The following CACNG3 variants were observed in gnomAD, a reference collection of about 807,000 sequenced individuals.
CACNG3 encodes the protein calcium voltage-gated channel auxiliary subunit gamma 3.
In CACNG3, 3 loss-of-function variants were observed where a neutral mutation model predicts 28.5. That is an observed-to-expected ratio of 0.11 (90% confidence interval 0.05 to 0.27). CACNG3 has a LOEUF of 0.27. Among genes scored for constraint, CACNG3 ranks in the 10% least tolerant of loss-of-function variants. CACNG3 has a pLI of 1.00. For synonymous variants in CACNG3, 174 were observed against 162.2 expected, an observed-to-expected ratio of 1.07 and a Z score of -0.55; for missense variants, 236 against 414.4, an observed-to-expected ratio of 0.57 and a Z score of 3.74.
chr16:24,282,434 A>G (rs1276870403), intron 1 of CACNG3, among the ~76,000 whole-genome samples: 1 of 148,542 alleles, frequency 6.7e-6, no homozygotes, highest in South Asian at 2.1e-4. Flanking sequence ...GGAATCTTAC[A>G]CTCGGATAAT....
intron 2 of CACNG3, 140 bp from the exon 3 acceptor site, chr16:24,354,693 G>T (rs538669997): frequency 3.1e-5 from 24 of 773,624 alleles, no homozygotes; most frequent in Middle Eastern, 3.9e-4. Context: ...GGCCCTGAGC[G>T]CCTGGTCTCA....
At chr16:24,257,015 C>A in intron 1 of CACNG3, 50 bp downstream of exon 1, 1 of 1,163,310 alleles carries the variant, frequency 8.6e-7, no homozygotes, top group Non-Finnish European at 1.3e-6. Flanking sequence ...TTCTGATATT[C>A]TGGTGGGTGT....
chr16:24,291,760 G>A (rs913975544), intron 1 of CACNG3, among the ~76,000 whole-genome samples: 1 of 152,166 alleles, frequency 6.6e-6, no homozygotes. Flanking sequence ...AGAAAGGAGA[G>A]AGAGAAAATA....
intron 1 of CACNG3, among the ~76,000 whole-genome samples, chr16:24,297,799 G>C (rs1268594974): frequency 6.6e-6 from 1 of 152,100 alleles, no homozygotes; most frequent in Non-Finnish European, 1.5e-5. Context: ...TGAGCCCTTT[G>C]TTCTGTTTCC....
At chr16:24,288,405 C>T (rs1201880495) in intron 1 of CACNG3, among the ~76,000 whole-genome samples, 1 of 152,142 alleles carries the variant, frequency 6.6e-6, no homozygotes, top group Non-Finnish European at 1.5e-5. Context: ...AAGTATTGGA[C>T]CTGGGAATTG....
Position 24,299,288 on chromosome 16 carries a change from A to G in CACNG3, c.211+42323A>G, listed in dbSNP as rs140892168. Among the ~76,000 whole-genome samples the G allele has an allele frequency of 2.0e-5, 3 of 152,086 alleles. No homozygotes were observed. In the East Asian group the frequency reaches 5.8e-4, roughly 29 times the overall value. ...ACTTTGGGTTATAATCTAATACTGC[A>G]TTGTTTATTTTATTGCTCAAATTGT... On this transcript the variant is annotated intron_variant, in intron 1 of 3. Transcript: ENST00000005284.
chr16:24,313,351 C>T (rs1899301288), intron 1 of CACNG3, among the ~76,000 whole-genome samples: 1 of 152,220 alleles, frequency 6.6e-6, no homozygotes, highest in African/African-American at 2.4e-5. Context: ...CCAGGTCACA[C>T]AGCTTGAAGT....
At chr16:24,329,238 C>T (rs1038915846) in intron 1 of CACNG3, among the ~76,000 whole-genome samples, 7 of 152,236 alleles carry the variant, frequency 4.6e-5, no homozygotes, top group African/African-American at 1.4e-4. Flanking sequence ...TAATGGTTGC[C>T]GTGGCAACCA....
intron 1 of CACNG3, among the ~76,000 whole-genome samples, chr16:24,296,053 G>A (rs2088084334): frequency 6.6e-6 from 1 of 152,164 alleles, no homozygotes; most frequent in Non-Finnish European, 1.5e-5. Flanking sequence ...TTTGCACAAG[G>A]TGCATCACAC....
chr16:24,304,840 G>C (rs1432822271), intron 1 of CACNG3, among the ~76,000 whole-genome samples: 1 of 152,148 alleles, frequency 6.6e-6, no homozygotes, highest in African/African-American at 2.4e-5. Context: ...GGGATTACAG[G>C]CATGAGCCAC....
chr16:24,326,034 T>C (rs1215324647), intron 1 of CACNG3, among the ~76,000 whole-genome samples: 2 of 152,238 alleles, frequency 1.3e-5, no homozygotes, highest in African/African-American at 4.8e-5. Context: ...AGCTCTATTC[T>C]GAAATCTCTG....
chr16:24,290,792 C>A (rs750648582), intron 1 of CACNG3, among the ~76,000 whole-genome samples: 2 of 152,046 alleles, frequency 1.3e-5, no homozygotes, highest in Non-Finnish European at 2.9e-5. Context: ...GTGTTTATCA[C>A]GGCCTACGTA....
chr16:24,290,054 AG>A (rs1419626308), intron 1 of CACNG3, among the ~76,000 whole-genome samples: 1 of 152,284 alleles, frequency 6.6e-6, no homozygotes, highest in Non-Finnish European at 1.5e-5. Context: ...AGACCATCAT[AG>A]ACAGAGAAGA....
At chr16:24,287,778 G>A (rs1898914446) in intron 1 of CACNG3, among the ~76,000 whole-genome samples, 2 of 152,068 alleles carry the variant, frequency 1.3e-5, no homozygotes, top group Non-Finnish European at 2.9e-5. Flanking sequence ...ACTAAGCAAA[G>A]GTTGATTCTC....
chr16:24,300,832 T>G (rs1045742496), intron 1 of CACNG3, among the ~76,000 whole-genome samples: 1 of 151,966 alleles, frequency 6.6e-6, no homozygotes, highest in Non-Finnish European at 1.5e-5. Context: ...GGGGGGCAGA[T>G]CACAAGGTCA....
intron 1 of CACNG3, among the ~76,000 whole-genome samples, chr16:24,340,414 A>G (rs944687083): frequency 6.6e-6 from 1 of 152,170 alleles, no homozygotes; most frequent in African/African-American, 2.4e-5. Context: ...AATAAATAAA[A>G]TAATTTAGTG....
chr16:24,279,574 G>A (rs1164323846), intron 1 of CACNG3, among the ~76,000 whole-genome samples: 2 of 152,158 alleles, frequency 1.3e-5, no homozygotes, highest in Admixed American at 6.5e-5. Context: ...CAGAGTGCTG[G>A]AACTACAAGG....
At chr16:24,287,764 T>C (rs1165241426) in intron 1 of CACNG3, among the ~76,000 whole-genome samples, 1 of 152,140 alleles carries the variant, frequency 6.6e-6, no homozygotes, top group Non-Finnish European at 1.5e-5. Context: ...GGAACCTCTA[T>C]AACACTAAGC....
chr16:24,264,009 A>G (rs868052373), intron 1 of CACNG3, among the ~76,000 whole-genome samples: 1 of 152,214 alleles, frequency 6.6e-6, no homozygotes, highest in Non-Finnish European at 1.5e-5. Flanking sequence ...TCAGCAAGGG[A>G]CTTGGAGGGA....
Sources: allele counts gnomAD v4.1 joint callset (sites outside exome capture counted in the v4.1 genomes callset), GRCh38; gene constraint gnomAD v4.1.1; transcripts MANE v1.5; gene names NCBI Gene and HGNC (gene_info 2026-07-23, HGNC 2026-07-21).